The following DCUN1D2 variants were observed in gnomAD, a reference collection of about 807,000 sequenced individuals.
DCUN1D2 encodes DCN1-like protein 2.
DCUN1D2 carries 29 observed loss-of-function variants against 30.9 expected under a neutral mutation model. That is an observed-to-expected ratio of 0.94 (90% CI 0.70 to 1.28). The LOEUF is 1.28. Ranked by LOEUF, DCUN1D2 falls within the 50% of genes most tolerant of loss-of-function variation. The probability of loss-of-function intolerance (pLI) is 0.00; values close to 1 mark genes in which losing one functional copy is unlikely to be tolerated. For missense variants in DCUN1D2, 325 were observed against 316.9 expected (o/e 1.03, Z -0.19); for synonymous variants, 121 against 115.3 (o/e 1.05, Z -0.32).
In DCUN1D2 at chr13:113,457,924, T is replaced by C. The variant is rs1026400057; in HGVS notation, c.*105A>G. 9.0e-7 allele frequency: 1 copy of C among 1,110,868 alleles called. No individual in the cohort carries two copies. Among genetic ancestry groups the C allele is most frequent in the East Asian group, 2.4e-5 (1 of 41,770 alleles). 68.8% of individuals were successfully genotyped at this position (1,110,868 alleles called of 1,614,324 possible). On this transcript the variant is annotated 3_prime_UTR_variant, in exon 7 of 7. Coordinates refer to ENST00000478244, the MANE Select transcript of DCUN1D2 (RefSeq NM_001014283.2). ...ATGGCGCCTCTGGTTTCATGGCTGG[T>C]CAAGAATGACTTCTGGAATCAGCGA...
intron 4 of DCUN1D2, among the ~76,000 whole-genome samples, chr13:113,466,361 T>G (rs1283561590): frequency 6.6e-6 from 1 of 152,212 alleles, no homozygotes; most frequent in African/African-American, 2.4e-5. Context: ...GAAAACCAAA[T>G]GTTTTCATTT....
chr13:113,481,865 C>CAAAA (rs60598722), intron 2 of DCUN1D2, among the ~76,000 whole-genome samples: 2,865 of 111,896 alleles, frequency 0.026, 45 homozygotes, highest in Middle Eastern at 0.1. Context: ...GCCTGGGTGA[C>CAAAA]AAAAAAAAAA....
At chr13:113,487,312 G>A (rs2044822692) in intron 1 of DCUN1D2, among the ~76,000 whole-genome samples, 2 of 152,176 alleles carry the variant, frequency 1.3e-5, no homozygotes, top group South Asian at 4.1e-4. Context: ...GGTCATCGTT[G>A]CTAGATTTAA....
rs1295772251 is a variant in DCUN1D2, at chr13:113,490,496, C to T, written c.3+171G>A. Reference sequence around the variant, plus strand: ...TCCCCGCGGTCCCGCGCCTCCGACGCCACCGCTCCGGCTCGCGGGCCCGCG... The same window carrying T: ...TCCCCGCGGTCCCGCGCCTCCGACGTCACCGCTCCGGCTCGCGGGCCCGCG... On this transcript the variant is annotated intron_variant, in intron 1 of 6. Coordinates refer to ENST00000478244, the MANE Select transcript of DCUN1D2 (RefSeq NM_001014283.2). The surrounding 1 kb of genome is among the most constrained non-coding windows in gnomAD (Gnocchi z 5.2). 3 of 713,900 alleles carry T rather than the reference C, an allele frequency of 4.2e-6. No individual in the cohort carries two copies. Among genetic ancestry groups the T allele is most frequent in the African/African-American group, 3.8e-5 (2 of 52,148 alleles). The allele number at this position is 713,900 out of a possible 1,614,324, so 44.2% of individuals were successfully genotyped here.
At chr13:113,491,424 TGGGGCTCCCCTCTCTCCCTCCCC>T (rs1291874204), upstream of DCUN1D2, among the ~76,000 whole-genome samples, 2 of 139,538 alleles carry the variant, frequency 1.4e-5, no homozygotes, top group African/African-American at 5.4e-5. Context: ...CCTCCCTCCC[TGGGGCTCCCCTCTCTCCCTCCCC>T]GGGGCTCCCA....
Position 113,488,444 on chromosome 13 carries a change from G to A in DCUN1D2, c.3+2223C>T, listed in dbSNP as rs547721400. Among the ~76,000 whole-genome samples the A allele has an allele frequency of 1.3e-5, 2 of 152,320 alleles. No individual in the cohort carries two copies. The highest frequency in any genetic ancestry group is 4.1e-4 in the South Asian group (2 of 4,828). On this transcript the variant is annotated intron_variant, in intron 1 of 6. Transcript: ENST00000478244. This position sits in a 1 kb window ranked among gnomAD's most constrained non-coding sequence, Gnocchi z 4.3. ...ATCGATAGCTAAGTCTAAAGACTAG[G>A]TGCTTCATGTCCAAAAGTGACTGAG...
chr13:113,465,504 A>G (rs2044386443), intron 4 of DCUN1D2, among the ~76,000 whole-genome samples: 1 of 151,486 alleles, frequency 6.6e-6, no homozygotes, highest in South Asian at 2.1e-4. Context: ...AGAAGTAAAA[A>G]AAAAAAAACA....
chr13:113,471,353 C>T (rs889334389), intron 4 of DCUN1D2, among the ~76,000 whole-genome samples: 71 of 151,894 alleles, frequency 4.7e-4, no homozygotes, highest in African/African-American at 1.7e-3. Flanking sequence ...GAAGACCCAA[C>T]TCCACAGGGG....
intron 6 of DCUN1D2, 67 bp downstream of exon 6, chr13:113,459,245 G>C (rs917121948): frequency 3.5e-6 from 3 of 855,736 alleles, no homozygotes; most frequent in African/African-American, 3.3e-5. Context: ...CACTCTAGAG[G>C]CAGGAGAAGT....
At chr13:113,481,755 A>G (rs115211482) in intron 2 of DCUN1D2, among the ~76,000 whole-genome samples, 6,670 of 151,862 alleles carry the variant, frequency 0.044, 524 homozygotes, top group African/African-American at 0.15. Context: ...GGGGTGGCTC[A>G]CGCCTATAGT....
At chr13:113,459,432 A>G in intron 5 of DCUN1D2, 24 bp from the exon 6 acceptor site, 1 of 1,128,354 alleles carries the variant, frequency 8.9e-7, no homozygotes, top group Non-Finnish European at 1.3e-6. Flanking sequence ...GAAAAAAAAA[A>G]CCCACCAGGT....
At chr13:113,489,701 G>A (rs886757323) in intron 1 of DCUN1D2, among the ~76,000 whole-genome samples, 2 of 152,034 alleles carry the variant, frequency 1.3e-5, no homozygotes, top group Non-Finnish European at 2.9e-5. Context: ...CTACCACTAA[G>A]GGTCTGTGCA....
chr13:113,461,643 G>A (rs1383435305), intron 4 of DCUN1D2, among the ~76,000 whole-genome samples: 1 of 152,182 alleles, frequency 6.6e-6, no homozygotes, highest in Non-Finnish European at 1.5e-5. Context: ...GCTCCAATTT[G>A]TCCCTAAAGT....
intron 3 of DCUN1D2, among the ~76,000 whole-genome samples, chr13:113,479,492 G>A (rs1346478539): frequency 6.6e-6 from 1 of 152,182 alleles, no homozygotes; most frequent in South Asian, 2.1e-4. Flanking sequence ...GGTGGCTCCC[G>A]CCTGTAATCC....
upstream of DCUN1D2, chr13:113,490,900 G>A: frequency 4.0e-6 from 1 of 251,062 alleles, no homozygotes; most frequent in Non-Finnish European, 7.3e-6. The surrounding 1 kb of genome is among the most constrained non-coding windows in gnomAD (Gnocchi z 5.2). Context: ...TCGCCCCTGC[G>A]GGGTCCAACG....
Position 113,488,716 on chromosome 13 carries a change from A to G in DCUN1D2, c.3+1951T>C, listed in dbSNP as rs2044850869. On this transcript the variant is annotated intron_variant, in intron 1 of 6. Transcript: ENST00000478244. The surrounding 1 kb of genome is among the most constrained non-coding windows in gnomAD (Gnocchi z 4.3). ...GGCAAGAAGCTTCGAGTGCACCCAGACAGGACTGAACCCAGGTCAATCTAA... is the reference window on the plus strand; with the variant it reads ...GGCAAGAAGCTTCGAGTGCACCCAGGCAGGACTGAACCCAGGTCAATCTAA... Among the ~76,000 whole-genome samples the G allele has an allele frequency of 6.6e-6, 1 of 152,210 alleles. No homozygotes were observed. Among genetic ancestry groups the G allele is most frequent in the South Asian group, 2.1e-4 (1 of 4,836 alleles).
Position 113,487,663 on chromosome 13 carries a change from G to T in DCUN1D2, c.3+3004C>A, listed in dbSNP as rs144331370. On this transcript the variant is annotated intron_variant, in intron 1 of 6. Transcript: ENST00000478244. ...TATCCAGAATGGGCACATCTATATA[G>T]AGAGAAAGGTGAGTGGTAGCCAGGG... 2.8e-3 allele frequency among the ~76,000 whole-genome samples: 434 copies of T among 152,302 alleles called. 3 individuals are homozygous for T. Among genetic ancestry groups the T allele is most frequent in the African/African-American group, 9.8e-3 (408 of 41,560 alleles).
intron 4 of DCUN1D2, among the ~76,000 whole-genome samples, chr13:113,466,972 A>G (rs1173845112): frequency 6.6e-6 from 1 of 151,802 alleles, no homozygotes; most frequent in South Asian, 2.1e-4. Flanking sequence ...ACGCCCGGCT[A>G]ATTTTTTATA....
At chr13:113,479,604 T>G (rs2044672455) in intron 3 of DCUN1D2, among the ~76,000 whole-genome samples, 1 of 152,050 alleles carries the variant, frequency 6.6e-6, no homozygotes, top group Non-Finnish European at 1.5e-5. Flanking sequence ...CTACTAAAAA[T>G]ACAAAAATTA....
Sources: gnomAD v4.1 joint callset for allele counts (sites outside exome capture counted in the v4.1 genomes callset) on GRCh38, gnomAD v4.1.1 for gene constraint, Gnocchi (gnomAD v3.1) non-coding constraint, MANE v1.5 for transcripts, NCBI Gene and HGNC (gene_info 2026-07-23, HGNC 2026-07-21) for gene names.